The following ASTN1 variants were observed in gnomAD, a reference collection of about 807,000 sequenced individuals.
The protein encoded by ASTN1 is astrotactin 1.
In ASTN1, 41 loss-of-function variants were observed where a neutral mutation model predicts 140.7. The ratio of observed to expected loss-of-function variants is 0.29; its 90% confidence interval spans 0.23 to 0.38. The LOEUF is 0.38. ASTN1 is among the 10% of genes least tolerant of loss of function. ASTN1 has a pLI of 1.00. For synonymous variants in ASTN1, 640 were observed against 652.2 expected (o/e 0.98, Z 0.29); for missense variants, 1,479 against 1,678.8 (o/e 0.88, Z 2.08).
chr1:176,907,924 C>G (rs1449279916), intron 16 of ASTN1, among the ~76,000 whole-genome samples: 1 of 152,180 alleles, frequency 6.6e-6, no homozygotes, highest in African/African-American at 2.4e-5. Context: ...GCACTTTTAA[C>G]AACAGTAGAT....
intron 16 of ASTN1, among the ~76,000 whole-genome samples, chr1:176,916,667 C>T (rs1390084296): frequency 6.6e-6 from 1 of 152,142 alleles, no homozygotes; most frequent in Admixed American, 6.5e-5. Flanking sequence ...CCCTCTTCAT[C>T]CAGACCCTCA....
At chr1:177,022,642 G>C (rs1675890017) in intron 7 of ASTN1, among the ~76,000 whole-genome samples, 2 of 152,124 alleles carry the variant, frequency 1.3e-5, no homozygotes. Context: ...CTTTGACCCA[G>C]TACTCTCTCA....
chr1:176,985,458 C>T (rs546592329), intron 8 of ASTN1, among the ~76,000 whole-genome samples: 1 of 152,260 alleles, frequency 6.6e-6, no homozygotes, highest in East Asian at 1.9e-4. Flanking sequence ...CTGCACCCCT[C>T]ACACTCTTTG....
intron 7 of ASTN1, among the ~76,000 whole-genome samples, chr1:177,021,995 C>T (rs1571662632): frequency 6.6e-6 from 1 of 152,326 alleles, no homozygotes; most frequent in East Asian, 1.9e-4. Flanking sequence ...TAAGCACAGT[C>T]TTAGACTTCA....
intron 14 of ASTN1, among the ~76,000 whole-genome samples, chr1:176,937,012 A>G (rs1476093911): frequency 6.6e-6 from 1 of 152,224 alleles, no homozygotes; most frequent in Non-Finnish European, 1.5e-5. Context: ...TAAGGTCCCT[A>G]AGACACCAGG....
At chr1:176,857,640 A>G (rs1199089142), downstream of ASTN1, 7 of 623,056 alleles carry the variant, frequency 1.1e-5, no homozygotes, top group African/African-American at 1.9e-5. Flanking sequence ...CTGTCCCAAC[A>G]CGCTGGAAGC....
In ASTN1 at chr1:177,116,530, C is replaced by T. The variant is rs544849065; in HGVS notation, c.283+47864G>A. 9.9e-5 allele frequency among the ~76,000 whole-genome samples: 15 copies of T among 152,238 alleles called. No individual in the cohort carries two copies. In the East Asian group the frequency reaches 2.1e-3, roughly 22 times the overall value. ...AATGTCTTTCATCAACTCTGATTTC[C>T]CCTGAAGGTACCTCCTCCCTCTCTT... On this transcript the variant is annotated intron_variant, in intron 1 of 22. Coordinates refer to ENST00000361833, the MANE Select transcript of ASTN1 (RefSeq NM_004319.3).
intron 16 of ASTN1, among the ~76,000 whole-genome samples, chr1:176,900,857 G>A (rs989167975): frequency 8.5e-5 from 13 of 152,070 alleles, no homozygotes; most frequent in African/African-American, 2.7e-4. Flanking sequence ...CAACACCATC[G>A]GATGGCAGGT....
rs1250945958 is a variant in ASTN1 at position 176,862,901 on chromosome 1, A to G, written c.*1383T>C. The G allele has an allele frequency of 1.0e-6, 1 of 985,314 alleles. No individual in the cohort carries two copies. The highest frequency in any genetic ancestry group is 1.2e-6 in the Non-Finnish European group (1 of 829,956). 61.0% of individuals were successfully genotyped at this position (985,314 alleles called of 1,614,324 possible). A position where few individuals can be genotyped will look rare whatever the true frequency, so the allele number is the denominator to read the frequency against. On this transcript the variant is annotated 3_prime_UTR_variant, in exon 23 of 23. Coordinates refer to ENST00000361833, the MANE Select transcript of ASTN1 (RefSeq NM_004319.3). Reference sequence around the variant, plus strand: ...TTGCATCTGTTTGCTGACCTTTCTCATATGTTTCCAGATGAGGAGCCCTGG... The same window carrying G: ...TTGCATCTGTTTGCTGACCTTTCTCGTATGTTTCCAGATGAGGAGCCCTGG...
intron 22 of ASTN1, among the ~76,000 whole-genome samples, chr1:176,864,825 A>C (rs1346104078): frequency 6.6e-6 from 1 of 152,218 alleles, no homozygotes; most frequent in African/African-American, 2.4e-5. Flanking sequence ...TAGAGTTGGC[A>C]GGTTTGAAAG....
chr1:177,000,269 G>T (rs1348772089), intron 8 of ASTN1, among the ~76,000 whole-genome samples: 3 of 152,226 alleles, frequency 2.0e-5, no homozygotes, highest in Admixed American at 2.0e-4. Flanking sequence ...CCTAGCACAA[G>T]CTTAGCTTAG....
chr1:177,065,050 C>T (rs1165367011), intron 1 of ASTN1, among the ~76,000 whole-genome samples: 1 of 152,194 alleles, frequency 6.6e-6, no homozygotes, highest in Non-Finnish European at 1.5e-5. Context: ...ATGAGGCTCG[C>T]AAAAGCAAAT....
chr1:176,946,800 T>G (rs931607116), intron 12 of ASTN1, among the ~76,000 whole-genome samples: 1 of 152,186 alleles, frequency 6.6e-6, no homozygotes, highest in African/African-American at 2.4e-5. Flanking sequence ...CTCATTAGGA[T>G]GGAAAAGCAA....
chr1:176,920,833 C>T (rs1263625792), intron 16 of ASTN1, among the ~76,000 whole-genome samples: 1 of 152,146 alleles, frequency 6.6e-6, no homozygotes, highest in African/African-American at 2.4e-5. Flanking sequence ...AATAAGCACT[C>T]AATACACCTT....
intron 16 of ASTN1, among the ~76,000 whole-genome samples, chr1:176,927,474 T>C (rs1397124550): frequency 2.0e-5 from 3 of 152,194 alleles, no homozygotes; most frequent in Admixed American, 2.0e-4. Context: ...AAAAAAAATG[T>C]ACTGTGCTTA....
At chr1:177,115,466 GTTCAAC>G (rs1681038668) in intron 1 of ASTN1, among the ~76,000 whole-genome samples, 1 of 152,074 alleles carries the variant, frequency 6.6e-6, no homozygotes, top group East Asian at 1.9e-4. Flanking sequence ...GAGGTCAGGA[GTTCAAC>G]ATGGTGAACC....
intron 1 of ASTN1, among the ~76,000 whole-genome samples, chr1:177,105,096 G>A (rs7524889): frequency 9.2e-5 from 14 of 152,138 alleles, no homozygotes; most frequent in Admixed American, 4.6e-4. Flanking sequence ...ACAGTGAGTC[G>A]CTTAGGAATT....
intron 1 of ASTN1, among the ~76,000 whole-genome samples, chr1:177,067,627 G>A (rs995897152): frequency 1.3e-5 from 2 of 152,126 alleles, no homozygotes; most frequent in African/African-American, 4.8e-5. Flanking sequence ...ACCTGCTTAA[G>A]TCAGGGGTTA....
intron 1 of ASTN1, among the ~76,000 whole-genome samples, chr1:177,087,382 G>A (rs1282042762): frequency 6.6e-6 from 1 of 152,140 alleles, no homozygotes; most frequent in East Asian, 1.9e-4. Flanking sequence ...TGACATTCTG[G>A]AGATCCAAAA....
Sources: allele counts gnomAD v4.1 joint callset (sites outside exome capture counted in the v4.1 genomes callset), GRCh38; gene constraint gnomAD v4.1.1; transcripts MANE v1.5; gene names NCBI Gene and HGNC (gene_info 2026-07-23, HGNC 2026-07-21).